MICAL2: variants seen among roughly 807,000 people sequenced by gnomAD.
MICAL2 encodes the protein [F-actin]-monooxygenase MICAL2.
In MICAL2, 77 loss-of-function variants were observed where a neutral mutation model predicts 127.3. That is an observed-to-expected ratio of 0.60 (90% confidence interval 0.50 to 0.73). The LOEUF (loss-of-function observed/expected upper bound fraction) is 0.73. Among genes scored for constraint, MICAL2 ranks in the 30% least tolerant of loss-of-function variants. The pLI, the probability that MICAL2 is intolerant of heterozygous loss-of-function variation, is 0.00. For synonymous variants in MICAL2, 570 were observed against 551.1 expected, an observed-to-expected ratio of 1.03 and a Z score of -0.48; for missense variants, 1,351 against 1,434.4, an observed-to-expected ratio of 0.94 and a Z score of 0.94.
At chr11:12,116,985 G>GT (rs1458999764) in intron 1 of MICAL2, 1 of 152,206 alleles carries the variant, frequency 6.6e-6, no homozygotes, top group African/African-American at 2.4e-5. Flanking sequence ...TTGAGCTAAT[G>GT]TTTCTCTCCT....
intron 1 of MICAL2, among the ~76,000 whole-genome samples, chr11:12,135,205 C>A (rs1429457549): frequency 6.6e-6 from 1 of 152,168 alleles, no homozygotes; most frequent in South Asian, 2.1e-4. Flanking sequence ...GAGAGAGACA[C>A]AGAGAGAAGA....
At chr11:12,188,432 C>T (rs1484889556) in intron 3 of MICAL2, among the ~76,000 whole-genome samples, 1 of 151,858 alleles carries the variant, frequency 6.6e-6, no homozygotes, top group Non-Finnish European at 1.5e-5. Flanking sequence ...TTTTTATTGT[C>T]ATGCTGTTGG....
intron 3 of MICAL2, 54 bp from the exon 4 acceptor site, chr11:12,204,196 G>T: frequency 6.5e-7 from 1 of 1,547,660 alleles, no homozygotes; most frequent in Admixed American, 1.7e-5. Flanking sequence ...CTGGGGGTTC[G>T]TGTCTGTGAT....
chr11:12,137,208 C>T (rs542099298), intron 1 of MICAL2, among the ~76,000 whole-genome samples: 168 of 152,358 alleles, frequency 1.1e-3, no homozygotes, highest in Non-Finnish European at 2.0e-3. Flanking sequence ...ATGATGATGA[C>T]GGGCGGGCAG....
intron 2 of MICAL2, among the ~76,000 whole-genome samples, chr11:12,282,665 C>T (rs1216550465): frequency 6.6e-6 from 1 of 152,140 alleles, no homozygotes; most frequent in Non-Finnish European, 1.5e-5. Context: ...CACAGAACAT[C>T]GTTACTCTCA....
chr11:12,352,538 A>G (rs1939067988), intron 33 of MICAL2, among the ~76,000 whole-genome samples: 1 of 152,238 alleles, frequency 6.6e-6, no homozygotes, highest in Non-Finnish European at 1.5e-5. Context: ...GAGGGTGAAT[A>G]GGAAAACTTT....
In MICAL2 at chr11:12,204,690, C is replaced by A. The variant is rs80147119; in HGVS notation, c.472+233C>A. Among the ~76,000 whole-genome samples the A allele has an allele frequency of 9.6e-3, 1,466 of 152,338 alleles. 29 individuals are homozygous for A. The highest frequency in any genetic ancestry group is 0.033 in the African/African-American group (1,385 of 41,582). On this transcript the variant is annotated intron_variant, in intron 4 of 27. Transcript: ENST00000683283. Reference sequence around the variant, plus strand: ...GTCAGGGATTGCAGCATGCCTTAATCACCAGACTATCTCCAGGACATGAAA... The same window carrying A: ...GTCAGGGATTGCAGCATGCCTTAATAACCAGACTATCTCCAGGACATGAAA...
In MICAL2 at chr11:12,230,040, G is replaced by A. The variant is rs556137480; in HGVS notation, c.1995+2909G>A. 2.3e-4 allele frequency among the ~76,000 whole-genome samples: 35 copies of A among 152,268 alleles called. 1 individual carries two copies. Among genetic ancestry groups the A allele is most frequent in the Admixed American group, 5.2e-4 (8 of 15,300 alleles). ...TCCTGTGGGTGGGTTAGGTTGTTTC[G>A]TAAGGCTACTGGGTCACCACACTGT... On this transcript the variant is annotated intron_variant, in intron 15 of 27. Coordinates refer to ENST00000683283, the MANE Select transcript of MICAL2 (RefSeq NM_001282663.2).
downstream of MICAL2, among the ~76,000 whole-genome samples, chr11:12,359,564 T>C (rs1939179377): frequency 6.6e-6 from 1 of 152,088 alleles, no homozygotes; most frequent in Non-Finnish European, 1.5e-5. Flanking sequence ...AGTGACCCTA[T>C]TTACCAAATC....
chr11:12,259,829 G>C lies in MICAL2; in HGVS notation c.3266G>C (p.Arg1089Pro). 6.3e-7 allele frequency: 1 copy of C among 1,582,470 alleles called. No individual in the cohort carries two copies. The highest frequency in any genetic ancestry group is 8.6e-7 in the Non-Finnish European group (1 of 1,161,208). Reference protein sequence around the residue: ...EATWQEQEAPRRDTPTESSCA... With the variant: ...EATWQEQEAPPRDTPTESSCA... ...ACATGGCAAGAGCAGGAAGCCCCTC[G>C]GAGAGACACTCCCACCGAAAGTTCT... The change falls in exon 26 of 28, where the codon CGG becomes CCG. Residue 1089 changes from arginine to proline, a missense_variant. Coordinates refer to ENST00000683283, the MANE Select transcript of MICAL2 (RefSeq NM_001282663.2).
intron 29 of MICAL2, among the ~76,000 whole-genome samples, chr11:12,310,226 G>A (rs1007658121): frequency 6.6e-6 from 1 of 152,002 alleles, no homozygotes; most frequent in Non-Finnish European, 1.5e-5. Flanking sequence ...GTGCTTTTGA[G>A]GTCCTTCCCA....
intron 6 of MICAL2, among the ~76,000 whole-genome samples, chr11:12,210,255 C>A (rs1392671928): frequency 6.6e-6 from 1 of 152,162 alleles, no homozygotes; most frequent in Non-Finnish European, 1.5e-5. Flanking sequence ...ATGCTTCCGT[C>A]CCCTCCACCT....
rs12803594 is a variant in MICAL2, at chr11:12,161,113, C to T, written c.-77-966C>T. Reference sequence around the variant, plus strand: ...CCTGACAGCTGGGTCAGCCCCAGCTCCTCCACATTTGTTTTCTTGTGCCAG... The same window carrying T: ...CCTGACAGCTGGGTCAGCCCCAGCTTCTCCACATTTGTTTTCTTGTGCCAG... On this transcript the variant is annotated intron_variant, in intron 2 of 27. Coordinates refer to ENST00000683283, the MANE Select transcript of MICAL2 (RefSeq NM_001282663.2). Among the ~76,000 whole-genome samples the T allele has an allele frequency of 5.3e-3, 814 of 152,326 alleles. 8 individuals carry two copies. Among genetic ancestry groups the T allele is most frequent in the Admixed American group, 0.027 (414 of 15,306 alleles).
In MICAL2 at chr11:12,223,487, A is replaced by T; in HGVS notation, c.1526A>T (p.Asn509Ile). 6.2e-7 allele frequency: 1 copy of T among 1,613,926 alleles called. No homozygotes were observed. ...CTGGGCTCGGTGAGGAGATCTGTCA[A>T]CCTCTCCAGGAAGGGTAAGCGGCCC... ...ERLGSVRRSVNLSRKESDIRP... is the reference protein window; with the variant it reads ...ERLGSVRRSVILSRKESDIRP... The change falls in exon 12 of 28, where the codon AAC becomes ATC. Residue 509 changes from asparagine (N) to isoleucine (I), a missense_variant. Around this residue, in one of 2 missense-constraint regions of MICAL2, gnomAD observed 599 missense variants for 714.9 expected, o/e 0.84. Transcript: ENST00000683283.
chr11:12,256,428 C>T (rs1862330050), intron 23 of MICAL2: 1 of 183,770 alleles, frequency 5.4e-6, no homozygotes, highest in African/African-American at 2.3e-5. Context: ...ATCCCAAGGA[C>T]AGATCCTGGA....
At chr11:12,240,887 G>A (rs927158131) in intron 17 of MICAL2, among the ~76,000 whole-genome samples, 153 bp from the exon 18 acceptor site, 30 of 152,260 alleles carry the variant, frequency 2.0e-4, no homozygotes, top group African/African-American at 5.8e-4. Flanking sequence ...AGCTGGGCCC[G>A]GCTTGCGGGA....
In MICAL2 at chr11:12,220,439, T is replaced by C; in HGVS notation, c.1187T>C (p.Val396Ala). The C allele has an allele frequency of 6.2e-7, 1 of 1,610,426 alleles. No individual in the cohort carries two copies. The highest frequency in any genetic ancestry group is 1.3e-5 in the African/African-American group (1 of 75,026). ...RQAHQLLVAL[V>A]GDSLLEPFWP... The stretch of plus-strand genomic sequence containing the variant: ...GCGCACCAGCTGCTCGTGGCCCTTG[T>C]GGGTGACAGCTTGCTTGAGGTACTG... Residue 396 changes from valine to alanine, a missense_variant, in exon 9 of 28, where the codon GTG (valine) becomes GCG (alanine). By Grantham distance (64) the Val-to-Ala change is moderately conservative (BLOSUM62 0). Around this residue, in one of 2 missense-constraint regions of MICAL2, gnomAD observed 599 missense variants for 714.9 expected, o/e 0.84. Coordinates refer to ENST00000683283, the MANE Select transcript of MICAL2 (RefSeq NM_001282663.2).
chr11:12,199,030 T>G (rs1022922154), intron 3 of MICAL2, among the ~76,000 whole-genome samples: 8 of 152,166 alleles, frequency 5.3e-5, no homozygotes, highest in Non-Finnish European at 1.0e-4. Context: ...CGGGCTTCAC[T>G]GTCAGTCAAG....
At chr11:12,275,397 C>T (rs1012618199), upstream of MICAL2, among the ~76,000 whole-genome samples, 3 of 152,132 alleles carry the variant, frequency 2.0e-5, no homozygotes, top group Non-Finnish European at 4.4e-5. Context: ...GCATCAAGAG[C>T]ATGAGTGTAG....
Sources: allele counts gnomAD v4.1 joint callset (sites outside exome capture counted in the v4.1 genomes callset), GRCh38; gene constraint gnomAD v4.1.1; regional missense constraint gnomAD v4.1.1; transcripts MANE v1.5; gene names NCBI Gene and HGNC (gene_info 2026-07-23, HGNC 2026-07-21).